The following NPSR1 variants were observed in gnomAD, a reference collection of about 807,000 sequenced individuals.
NPSR1 encodes the protein neuropeptide S receptor 1, also known as neuropeptide S receptor.
Under a neutral mutation model 46.9 loss-of-function variants are expected in NPSR1, and 48 were observed. The observed-to-expected ratio is 1.02, with a 90% CI of 0.81 to 1.30. The LOEUF (loss-of-function observed/expected upper bound fraction) is 1.30, where lower values mean the gene tolerates loss of function less well. Among genes scored for constraint, NPSR1 ranks in the 50% most tolerant of loss-of-function variants. The pLI is 0.00. For synonymous variants in NPSR1, 176 were observed against 168.1 expected, an observed-to-expected ratio of 1.05 and a Z score of -0.36; for missense variants, 450 against 449.5, an observed-to-expected ratio of 1.00 and a Z score of -0.01.
intron 4 of NPSR1, among the ~76,000 whole-genome samples, chr7:34,825,917 A>T (rs892731913): frequency 6.6e-6 from 1 of 152,152 alleles, no homozygotes; most frequent in African/African-American, 2.4e-5. Context: ...CCTCTGCTGG[A>T]CTTCCTACTT....
chr7:34,728,301 C>T (rs985384054), intron 2 of NPSR1, among the ~76,000 whole-genome samples: 3 of 152,166 alleles, frequency 2.0e-5, no homozygotes, highest in South Asian at 2.1e-4. Flanking sequence ...CAGACCCTGT[C>T]GCTGGAACAG....
chr7:34,694,541 T>A (rs753998817), intron 2 of NPSR1, among the ~76,000 whole-genome samples: 8 of 152,150 alleles, frequency 5.3e-5, no homozygotes, highest in Non-Finnish European at 1.0e-4. Flanking sequence ...TGGAAAAACA[T>A]CCCATGCTCA....
intron 3 of NPSR1, among the ~76,000 whole-genome samples, chr7:34,798,483 C>A (rs1476691542): frequency 1.3e-5 from 2 of 151,992 alleles, no homozygotes; most frequent in Non-Finnish European, 2.9e-5. Flanking sequence ...TGCAGTGATC[C>A]AAGATTGTAC....
At chr7:34,683,706 A>C (rs1792777538) in intron 1 of NPSR1, among the ~76,000 whole-genome samples, 1 of 152,056 alleles carries the variant, frequency 6.6e-6, no homozygotes, top group South Asian at 2.1e-4. Flanking sequence ...AGGGAGGGGA[A>C]CTGAACTCAT....
downstream of NPSR1, among the ~76,000 whole-genome samples, chr7:34,853,077 A>G (rs139020116): frequency 2.4e-4 from 37 of 152,280 alleles, no homozygotes; most frequent in African/African-American, 8.7e-4. Context: ...GTGGATAATC[A>G]TGAGAAAAAA....
At chr7:34,758,255 A>G (rs1157359431) in intron 2 of NPSR1, 1 of 152,240 alleles carries the variant, frequency 6.6e-6, no homozygotes, top group Admixed American at 6.5e-5. Context: ...ACTAACATCT[A>G]TATTTCTGAG....
chr7:34,673,445 GCT>G, intron 1 of NPSR1, among the ~76,000 whole-genome samples: 1 of 152,206 alleles, frequency 6.6e-6, no homozygotes, highest in Non-Finnish European at 1.5e-5. Context: ...GTAAGCCAAG[GCT>G]CTCTCCTCTG....
chr7:34,799,642 G>C, intron 3 of NPSR1, among the ~76,000 whole-genome samples: 1 of 148,530 alleles, frequency 6.7e-6, no homozygotes, highest in African/African-American at 2.5e-5. Flanking sequence ...TCGAGAGTAG[G>C]AAGAAACTGC....
intron 2 of NPSR1, among the ~76,000 whole-genome samples, chr7:34,713,196 T>C (rs1252509253): frequency 2.0e-5 from 3 of 152,236 alleles, no homozygotes; most frequent in East Asian, 3.8e-4. Context: ...TTGTCAGATC[T>C]GTCCTGGAGG....
chr7:34,724,247 C>T (rs1047700050), intron 2 of NPSR1, among the ~76,000 whole-genome samples: 8 of 152,194 alleles, frequency 5.3e-5, no homozygotes, highest in African/African-American at 1.4e-4. Context: ...CATATTGCCA[C>T]AGAAACAGAT....
chr7:34,704,167 C>T (rs1470023783), intron 2 of NPSR1: 1 of 152,158 alleles, frequency 6.6e-6, no homozygotes, highest in African/African-American at 2.4e-5. Flanking sequence ...AGTTCACTGC[C>T]ACCTTCCTGT....
At chr7:34,733,792 G>A (rs1381510321) in intron 2 of NPSR1, among the ~76,000 whole-genome samples, 1 of 152,162 alleles carries the variant, frequency 6.6e-6, no homozygotes, top group African/African-American at 2.4e-5. Context: ...TATAAGTTAT[G>A]GCCTTCTATG....
chr7:34,864,042 A>G (rs1314740361), intron 8 of NPSR1, among the ~76,000 whole-genome samples: 1 of 151,862 alleles, frequency 6.6e-6, no homozygotes, highest in Admixed American at 6.5e-5. Flanking sequence ...CTATGCAGCC[A>G]TAAAAAAGGA....
intron 4 of NPSR1, among the ~76,000 whole-genome samples, chr7:34,813,493 G>A (rs1345270): frequency 0.066 from 10,021 of 152,164 alleles, 936 homozygotes; most frequent in African/African-American, 0.21. Context: ...ATGTGGAAGT[G>A]GTAGAGCCAT....
chr7:34,680,602 T>C (rs1201740315), intron 1 of NPSR1, among the ~76,000 whole-genome samples: 2 of 152,144 alleles, frequency 1.3e-5, no homozygotes, highest in Non-Finnish European at 2.9e-5. Flanking sequence ...AGCTTCAAAC[T>C]GGAAACCACC....
intron 8 of NPSR1, among the ~76,000 whole-genome samples, chr7:34,860,739 A>G (rs1791171449): frequency 1.3e-5 from 2 of 151,916 alleles, no homozygotes; most frequent in Admixed American, 6.5e-5. Flanking sequence ...CACTGTACAC[A>G]TGACAGAACA....
chr7:34,866,341 A>G (rs1310532513), intron 8 of NPSR1, among the ~76,000 whole-genome samples: 916 of 136,142 alleles, frequency 6.7e-3, no homozygotes, highest in African/African-American at 7.9e-3. Flanking sequence ...GTGAGTAAAC[A>G]GAGGAAGTCA....
intron 4 of NPSR1, among the ~76,000 whole-genome samples, chr7:34,823,691 G>C (rs1340273565): frequency 6.6e-6 from 1 of 151,860 alleles, no homozygotes; most frequent in East Asian, 1.9e-4. Context: ...GGAATAACAA[G>C]AACTGAGAAA....
chr7:34,773,810 G>T (rs1786805119), intron 2 of NPSR1, among the ~76,000 whole-genome samples: 1 of 152,180 alleles, frequency 6.6e-6, no homozygotes, highest in Admixed American at 6.5e-5. Flanking sequence ...GACAAAGCCT[G>T]GATAATGTCA....
Sources: allele counts gnomAD v4.1 joint callset (sites outside exome capture counted in the v4.1 genomes callset), GRCh38; gene constraint gnomAD v4.1.1; transcripts MANE v1.5; gene names NCBI Gene and HGNC (gene_info 2026-07-23, HGNC 2026-07-21).